The following RBM20 variants were observed in gnomAD, a reference collection of about 807,000 sequenced individuals.
The protein encoded by RBM20 is RNA-binding protein 20.
In RBM20, 51 loss-of-function variants were observed where a neutral mutation model predicts 110.1. The ratio of observed to expected loss-of-function variants is 0.46; its 90% CI spans 0.37 to 0.59. RBM20 has a LOEUF of 0.59. Among genes scored for constraint, RBM20 ranks in the 20% least tolerant of loss-of-function variants. The pLI is 0.00. For synonymous variants in RBM20, 589 were observed against 618.2 expected (o/e 0.95, Z 0.70); for missense variants, 1,512 against 1,574.9 (o/e 0.96, Z 0.68).
At chr10:110,752,932 TATATATATATATA>T (rs1438924271) in intron 1 of RBM20, among the ~76,000 whole-genome samples, 1 of 70,832 alleles carries the variant, frequency 1.4e-5, no homozygotes, top group African/African-American at 5.0e-5. Context: ...TATATATATA[TATATATATATATA>T]TTTTTTTTTT....
At chr10:110,775,554 T>C (rs1163032643) in intron 1 of RBM20, among the ~76,000 whole-genome samples, 1 of 152,218 alleles carries the variant, frequency 6.6e-6, no homozygotes, top group Non-Finnish European at 1.5e-5. Flanking sequence ...TAAGACTCTC[T>C]TGGATCCCTC....
chr10:110,768,636 A>G (rs1295095077), intron 1 of RBM20, among the ~76,000 whole-genome samples: 1 of 152,212 alleles, frequency 6.6e-6, no homozygotes, highest in Non-Finnish European at 1.5e-5. Context: ...ATTTCAAGTC[A>G]GTTGAACCAG....
intron 1 of RBM20, among the ~76,000 whole-genome samples, chr10:110,662,620 T>A (rs1862121042): frequency 6.6e-6 from 1 of 152,212 alleles, no homozygotes; most frequent in South Asian, 2.1e-4. Context: ...CTAGCAAAAG[T>A]ACATGTGGGT....
chr10:110,775,862 G>C (rs190944942), intron 1 of RBM20, among the ~76,000 whole-genome samples: 7 of 152,328 alleles, frequency 4.6e-5, no homozygotes, highest in African/African-American at 1.7e-4. Flanking sequence ...GTACAGGGTG[G>C]ATTCAGGAGA....
At chr10:110,659,368 A>C (rs186943978) in intron 1 of RBM20, among the ~76,000 whole-genome samples, 32 of 152,354 alleles carry the variant, frequency 2.1e-4, no homozygotes, top group African/African-American at 7.7e-4. Context: ...TAGAGTCCAC[A>C]TGGGTTAAAG....
At chr10:110,702,449 T>C (rs1827299170) in intron 1 of RBM20, among the ~76,000 whole-genome samples, 1 of 152,148 alleles carries the variant, frequency 6.6e-6, no homozygotes, top group Non-Finnish European at 1.5e-5. Flanking sequence ...GGCAGGAAGA[T>C]TACTTGAGCC....
chr10:110,723,953 A>G (rs577226766), intron 1 of RBM20, among the ~76,000 whole-genome samples: 1 of 152,314 alleles, frequency 6.6e-6, no homozygotes, highest in South Asian at 2.1e-4. Flanking sequence ...CTAAATAATA[A>G]TAGTATTCAT....
At chr10:110,665,302 A>C (rs971745772) in intron 1 of RBM20, among the ~76,000 whole-genome samples, 1 of 152,226 alleles carries the variant, frequency 6.6e-6, no homozygotes. Context: ...TGTTAGGTGC[A>C]GCTGATGGCG....
intron 1 of RBM20, among the ~76,000 whole-genome samples, chr10:110,672,048 C>CGTAAAATA (rs1158954420): frequency 1.0e-3 from 158 of 151,326 alleles, no homozygotes; most frequent in African/African-American, 3.5e-3. Context: ...ATTTTAGGGC[C>CGTAAAATA]CTATTAGGGA....
chr10:110,653,703 G>T (rs1209219713), intron 1 of RBM20, among the ~76,000 whole-genome samples: 1 of 152,022 alleles, frequency 6.6e-6, no homozygotes, highest in Non-Finnish European at 1.5e-5. Context: ...CTGTAGACGT[G>T]CACCACCACG....
rs1243312806 is a variant in RBM20 at position 110,799,814 on chromosome 10, G to A, written c.1696G>A (p.Ala566Thr). The change falls in exon 7 of 14, where the codon GCT (alanine) becomes ACT (threonine). Residue 566 changes from alanine to threonine, a missense_variant. Ala to Thr is a moderately conservative substitution (Grantham distance 58). Coordinates refer to ENST00000369519, the MANE Select transcript of RBM20 (RefSeq NM_001134363.3). ...QAFLEMAYTE[A>T]AQAMVQYYQE... The stretch of plus-strand genomic sequence containing the variant: ...CTTTTTAGAGATGGCTTACACAGAA[G>A]CTGCACAGGCCATGGTCCAGTATTA... 6.4e-6 allele frequency: 10 copies of A among 1,551,502 alleles called. No homozygotes were observed. In the South Asian group the frequency reaches 1.1e-4, roughly 17 times the overall value.
intron 1 of RBM20, among the ~76,000 whole-genome samples, chr10:110,666,213 T>C (rs1862176837): frequency 2.0e-5 from 3 of 152,224 alleles, no homozygotes; most frequent in Admixed American, 1.3e-4. Context: ...TTATTCTCTC[T>C]ACCTTTGTAT....
chr10:110,783,358 T>TAGGTCTCCCA lies in RBM20; in HGVS notation c.1276-8_1276-7insAGGTCTCCCA. On this transcript the variant is annotated splice_polypyrimidine_tract_variant and splice_region_variant and intron_variant, in intron 2 of 13. Coordinates refer to ENST00000369519, the MANE Select transcript of RBM20 (RefSeq NM_001134363.3). The stretch of plus-strand genomic sequence containing the variant: ...TACTTTGGTCACTTTTCTTTCCTTC[T>TAGGTCTCCCA]GACCTAGGACTGGGAGCTGCATGTG... 6.5e-7 allele frequency: 1 copy of TAGGTCTCCCA among 1,550,228 alleles called. No homozygotes were observed. Among genetic ancestry groups the TAGGTCTCCCA allele is most frequent in the Non-Finnish European group, 8.7e-7 (1 of 1,145,876 alleles).
intron 1 of RBM20, among the ~76,000 whole-genome samples, chr10:110,767,313 C>T (rs1205506254): frequency 5.6e-5 from 8 of 143,188 alleles, no homozygotes; most frequent in African/African-American, 1.8e-4. Flanking sequence ...CCTCACCTCC[C>T]GGACGGGGCG....
intron 1 of RBM20, among the ~76,000 whole-genome samples, chr10:110,682,234 C>G (rs1255561633): frequency 6.6e-6 from 1 of 152,160 alleles, no homozygotes; most frequent in East Asian, 1.9e-4. Flanking sequence ...ATCCAGGATC[C>G]CACCTGGCAT....
intron 1 of RBM20, among the ~76,000 whole-genome samples, chr10:110,645,693 T>C (rs1489764486): frequency 6.6e-6 from 1 of 152,248 alleles, no homozygotes; most frequent in East Asian, 1.9e-4. Context: ...ATTTATTGTT[T>C]TGAAGACTGA....
chr10:110,779,308 G>C (rs1205349346), intron 1 of RBM20, among the ~76,000 whole-genome samples: 1 of 152,146 alleles, frequency 6.6e-6, no homozygotes, highest in East Asian at 1.9e-4. Context: ...AAACATGCCT[G>C]TGCAATGAAA....
chr10:110,696,186 G>C (rs1481003267), intron 1 of RBM20, among the ~76,000 whole-genome samples: 2 of 152,202 alleles, frequency 1.3e-5, no homozygotes, highest in African/African-American at 2.4e-5. Flanking sequence ...AGAATTGTAC[G>C]CATCCTTATT....
At chr10:110,793,653 G>A (rs915326629) in intron 5 of RBM20, among the ~76,000 whole-genome samples, 6 of 152,214 alleles carry the variant, frequency 3.9e-5, no homozygotes, top group Non-Finnish European at 5.9e-5. Flanking sequence ...TGGTCTGATC[G>A]TTGGCTGCCT....
Sources: allele counts gnomAD v4.1 joint callset (sites outside exome capture counted in the v4.1 genomes callset), GRCh38; gene constraint gnomAD v4.1.1; transcripts MANE v1.5; gene names NCBI Gene and HGNC (gene_info 2026-07-23, HGNC 2026-07-21).